The following INTS12 variants were observed in gnomAD, a reference collection of about 807,000 sequenced individuals.
The protein encoded by INTS12 is PHD finger protein 22.
Under a neutral mutation model 41.6 loss-of-function variants are expected in INTS12, and 13 were observed. The observed-to-expected ratio is 0.31, with a 90% CI of 0.20 to 0.50. INTS12 has a LOEUF of 0.50. Among genes scored for constraint, INTS12 ranks in the 20% least tolerant of loss-of-function variants. The pLI, the probability that INTS12 is intolerant of heterozygous loss-of-function variation, is 0.98. For synonymous variants in INTS12, 199 were observed against 191.4 expected, an observed-to-expected ratio of 1.04 and a Z score of -0.33; for missense variants, 432 against 541.6, an observed-to-expected ratio of 0.80 and a Z score of 2.01.
intron 6 of INTS12, among the ~76,000 whole-genome samples, chr4:105,690,570 G>T (rs1205429233): frequency 6.6e-6 from 1 of 151,790 alleles, no homozygotes; most frequent in Non-Finnish European, 1.5e-5. Context: ...CTGGATAATA[G>T]AACAACTTTC....
At chr4:105,708,086 A>G (rs1190461866) in intron 1 of INTS12, 1 of 985,298 alleles carries the variant, frequency 1.0e-6, no homozygotes, top group African/African-American at 1.7e-5. Flanking sequence ...TCCAATAAAC[A>G]TTATTTTAAA....
At chr4:105,693,814 C>G (rs1054689932) in intron 4 of INTS12, among the ~76,000 whole-genome samples, 4 of 152,160 alleles carry the variant, frequency 2.6e-5, no homozygotes, top group Non-Finnish European at 5.9e-5. Flanking sequence ...ACAGACTTAA[C>G]ACATATTTGC....
chr4:105,700,861 C>A (rs192521919), intron 2 of INTS12, among the ~76,000 whole-genome samples: 11 of 152,120 alleles, frequency 7.2e-5, no homozygotes, highest in Admixed American at 6.5e-4. Flanking sequence ...TTAGTTAATA[C>A]CAATGCTATC....
chr4:105,687,743 C>T lies in INTS12; in HGVS notation c.658-905G>A, dbSNP rs115061828. On this transcript the variant is annotated intron_variant, in intron 6 of 7. Coordinates refer to ENST00000340139, the MANE Select transcript of INTS12 (RefSeq NM_020395.4). ...TGGTTCACTTGAGGTCAGGAGTTTGCGAACAGCCAGAACAGCCTGGCCCAC... is the reference window on the plus strand; with the variant it reads ...TGGTTCACTTGAGGTCAGGAGTTTGTGAACAGCCAGAACAGCCTGGCCCAC... Among the ~76,000 whole-genome samples the T allele has an allele frequency of 8.5e-3, 1,292 of 152,108 alleles. 20 individuals carry two copies. The highest frequency in any genetic ancestry group is 0.029 in the African/African-American group (1,211 of 41,510).
rs76570474 is a variant in INTS12 at position 105,686,881 on chromosome 4, G to C, written c.658-43C>G. ...TTAAATCAGATACAAAATCTTAACT[G>C]AATATACAGAAAGATAATAATCCCT... On this transcript the variant is annotated intron_variant, in intron 6 of 7. Transcript: ENST00000340139. 75 of 1,546,366 alleles carry C rather than the reference G, an allele frequency of 4.9e-5. No individual in the cohort carries two copies. In the African/African-American group the frequency reaches 9.4e-4, roughly 19 times the overall value.
rs572529651 is a variant in INTS12, at chr4:105,687,747, C to T, written c.658-909G>A. Among the ~76,000 whole-genome samples, 3 of 152,216 alleles carry T rather than the reference C, an allele frequency of 2.0e-5. No individual in the cohort carries two copies. The South Asian group carries it at 6.2e-4, about 32-fold the overall frequency. On this transcript the variant is annotated intron_variant, in intron 6 of 7. Coordinates refer to ENST00000340139, the MANE Select transcript of INTS12 (RefSeq NM_020395.4). The stretch of plus-strand genomic sequence containing the variant: ...TCACTTGAGGTCAGGAGTTTGCGAA[C>T]AGCCAGAACAGCCTGGCCCACATGG...
chr4:105,701,140 C>A (rs1732055840), intron 2 of INTS12, among the ~76,000 whole-genome samples: 1 of 151,720 alleles, frequency 6.6e-6, no homozygotes, highest in Non-Finnish European at 1.5e-5. Flanking sequence ...TATGAAAGCA[C>A]ATCTGAAAAT....
At chr4:105,707,204 T>C in intron 1 of INTS12, among the ~76,000 whole-genome samples, 1 of 152,180 alleles carries the variant, frequency 6.6e-6, no homozygotes, top group Non-Finnish European at 1.5e-5. Flanking sequence ...CTCATGAAGA[T>C]TTGACTGACA....
At chr4:105,700,606 T>A (rs980905100) in intron 2 of INTS12, among the ~76,000 whole-genome samples, 2 of 151,646 alleles carry the variant, frequency 1.3e-5, no homozygotes, top group Admixed American at 1.3e-4. Context: ...GAAAACATAT[T>A]AATGATAACC....
In INTS12 at chr4:105,699,916, C is replaced by G. The variant is rs1035233305; in HGVS notation, c.90G>C (p.Lys30Asn). 6.4e-7 allele frequency: 1 copy of G among 1,568,404 alleles called. No individual in the cohort carries two copies. The highest frequency in any genetic ancestry group is 8.7e-7 in the Non-Finnish European group (1 of 1,146,594). ...AAGATTCATCAAGCAGTGCTTTTAG[C>G]TTTTCAGCAGAATCTTTACTCTTTG... ...LHSKSKDSAE[K>N]LKALLDESLA... Residue 30 changes from lysine to asparagine, a missense_variant, in exon 3 of 8, where the codon AAG (lysine) becomes AAC (asparagine). Lys to Asn is a moderately conservative substitution (Grantham distance 94). Coordinates refer to ENST00000340139, the MANE Select transcript of INTS12 (RefSeq NM_020395.4).
In INTS12 at chr4:105,693,350, G is replaced by C. The variant is rs761479582; in HGVS notation, c.446C>G (p.Thr149Ser). The C allele has an allele frequency of 1.9e-6, 3 of 1,613,558 alleles. No homozygotes were observed. The highest frequency in any genetic ancestry group is 2.5e-6 in the Non-Finnish European group (3 of 1,179,616). Residue 149 changes from threonine (T) to serine (S), a missense_variant, in exon 5 of 8, where the codon ACC (threonine) becomes AGC (serine). Thr to Ser is a moderately conservative substitution (Grantham distance 58). Transcript: ENST00000340139. ...CTCCATGGCAAAATCATCAGCACTG[G>C]TCTCCTCAAAACTGGAAAGGTCAGC... ...PMADLSSFEE[T>S]SADDFAMEMG...
At chr4:105,692,480 T>A (rs1731725365) in intron 5 of INTS12, among the ~76,000 whole-genome samples, 1 of 119,888 alleles carries the variant, frequency 8.3e-6, no homozygotes, top group Admixed American at 9.3e-5. Flanking sequence ...TAAGACTCTG[T>A]CTCAAAAAAA....
At chr4:105,704,410 C>G (rs1389138657) in intron 1 of INTS12, among the ~76,000 whole-genome samples, 1 of 152,192 alleles carries the variant, frequency 6.6e-6, no homozygotes, top group Non-Finnish European at 1.5e-5. Flanking sequence ...GGTATCACGT[C>G]AGAACTTAGA....
Position 105,691,898 on chromosome 4 carries a change from T to C in INTS12, c.657+78A>G, listed in dbSNP as rs946844699. 5 of 1,058,438 alleles carry C rather than the reference T, an allele frequency of 4.7e-6. No individual in the cohort carries two copies. In the African/African-American group the frequency reaches 8.2e-5, roughly 17 times the overall value. 65.6% of individuals were successfully genotyped at this position (1,058,438 alleles called of 1,614,324 possible). On this transcript the variant is annotated intron_variant, in intron 6 of 7. Transcript: ENST00000340139. ...TTTATTTTTTCAATATCTTAAATATTCAAATCTTTGTTTTGAAAGCACATA... is the reference window on the plus strand; with the variant it reads ...TTTATTTTTTCAATATCTTAAATATCCAAATCTTTGTTTTGAAAGCACATA...
In INTS12 at chr4:105,683,171, A is replaced by G. The variant is rs1266532735; in HGVS notation, c.951T>C (p.Asn317=). ...TAKLSSTTQN[N]TGKPATSSAN... ...CTGACGAAGTAGCAGGTTTCCCAGTATTGTTTTGTGTTGTTGAACTCAATT... is the reference window on the plus strand; with the variant it reads ...CTGACGAAGTAGCAGGTTTCCCAGTGTTGTTTTGTGTTGTTGAACTCAATT... The change falls in exon 8 of 8, where the codon AAT becomes AAC. Residue 317 remains asparagine (N), a synonymous_variant. Coordinates refer to ENST00000340139, the MANE Select transcript of INTS12 (RefSeq NM_020395.4). The G allele has an allele frequency of 6.2e-7, 1 of 1,614,072 alleles. No individual in the cohort carries two copies. The highest frequency in any genetic ancestry group is 1.1e-5 in the South Asian group (1 of 91,078).
chr4:105,707,734 T>C (rs548863540), intron 1 of INTS12, among the ~76,000 whole-genome samples: 1 of 152,344 alleles, frequency 6.6e-6, no homozygotes, highest in East Asian at 1.9e-4. Flanking sequence ...GAACTTGTTT[T>C]GTTCACTGTT....
intron 6 of INTS12, among the ~76,000 whole-genome samples, chr4:105,689,942 T>G (rs1428656087): frequency 6.6e-6 from 1 of 152,170 alleles, no homozygotes; most frequent in Non-Finnish European, 1.5e-5. Context: ...TCATTTTATT[T>G]AACTTAAGAA....
intron 3 of INTS12, among the ~76,000 whole-genome samples, chr4:105,698,041 C>T (rs530140875): frequency 5.3e-5 from 8 of 152,120 alleles, no homozygotes; most frequent in Non-Finnish European, 1.0e-4. Flanking sequence ...CACAGTGAGA[C>T]CCTGTCTCAA....
chr4:105,703,566 A>C (rs181391210), intron 2 of INTS12, 82 bp downstream of exon 2: 1 of 152,086 alleles, frequency 6.6e-6, no homozygotes, highest in Non-Finnish European at 1.5e-5. Context: ...TAGTTTCCCT[A>C]CTTTATAGAC....
Sources: gnomAD v4.1 joint callset for allele counts (sites outside exome capture counted in the v4.1 genomes callset) on GRCh38, gnomAD v4.1.1 for gene constraint, MANE v1.5 for transcripts, NCBI Gene and HGNC (gene_info 2026-07-23, HGNC 2026-07-21) for gene names.